ANKRD12: variants seen among roughly 807,000 people sequenced by gnomAD.
ANKRD12 encodes ankyrin repeat domain 12.
In ANKRD12, 85 loss-of-function variants were observed where a neutral mutation model predicts 183.4. The ratio of observed to expected loss-of-function variants is 0.46; its 90% CI spans 0.39 to 0.56. The LOEUF is 0.56. ANKRD12 is among the 20% of genes least tolerant of loss of function. The pLI, the probability that ANKRD12 is intolerant of heterozygous loss-of-function variation, is 0.00. For missense variants in ANKRD12, 2,405 were observed against 2,357.1 expected (o/e 1.02, Z -0.42); for synonymous variants, 914 against 800.2 (o/e 1.14, Z -2.40).
chr18:9,143,261 C>T (rs1389806136), intron 1 of ANKRD12, among the ~76,000 whole-genome samples: 1 of 152,140 alleles, frequency 6.6e-6, no homozygotes, highest in East Asian at 1.9e-4. Flanking sequence ...CTTTTTTACT[C>T]AAGAACTTAA....
At chr18:9,170,119 C>A (rs958764611) in intron 1 of ANKRD12, among the ~76,000 whole-genome samples, 4 of 152,182 alleles carry the variant, frequency 2.6e-5, no homozygotes, top group Non-Finnish European at 2.9e-5. Context: ...TGGGTAACCC[C>A]ACCTTTCTCT....
At chr18:9,246,119 C>G (rs369765827) in intron 8 of ANKRD12, among the ~76,000 whole-genome samples, 1 of 152,154 alleles carries the variant, frequency 6.6e-6, no homozygotes, top group Non-Finnish European at 1.5e-5. Flanking sequence ...TAACCTTTTA[C>G]TAATGCTTAT....
intron 1 of ANKRD12, among the ~76,000 whole-genome samples, chr18:9,161,674 CCT>C: frequency 6.6e-6 from 1 of 151,836 alleles, no homozygotes; most frequent in Non-Finnish European, 1.5e-5. Flanking sequence ...CTGCACCTGA[CCT>C]CTTTTTATTT....
Position 9,281,443 on chromosome 18 carries a change from A to G in ANKRD12, c.*317A>G, listed in dbSNP as rs2040102996. On this transcript the variant is annotated 3_prime_UTR_variant, in exon 13 of 13. Transcript: ENST00000262126. ...AGCGCTGGAAGTTGTTAGCGCTCTA[A>G]GTAATAAGATAACCACTAGTATTCA... 1 of 178,840 alleles carries G rather than the reference A, an allele frequency of 5.6e-6. No homozygotes were observed. Among genetic ancestry groups the G allele is most frequent in the Admixed American group, 6.2e-5 (1 of 16,008 alleles). The allele number at this position is 178,840 out of a possible 1,614,324, so 11.1% of individuals were successfully genotyped here.
chr18:9,228,131 T>G (rs1302717181), intron 8 of ANKRD12, among the ~76,000 whole-genome samples: 1 of 152,218 alleles, frequency 6.6e-6, no homozygotes, highest in African/African-American at 2.4e-5. Flanking sequence ...GCAAATGAAA[T>G]CCATGTTGCT....
At chr18:9,225,533 G>A (rs1262096850) in intron 8 of ANKRD12, among the ~76,000 whole-genome samples, 1 of 150,270 alleles carries the variant, frequency 6.7e-6, no homozygotes. Context: ...TATTAATGTA[G>A]AAATACTAAT....
At chr18:9,155,763 G>A (rs1439657332) in intron 1 of ANKRD12, among the ~76,000 whole-genome samples, 1 of 151,604 alleles carries the variant, frequency 6.6e-6, no homozygotes, top group Admixed American at 6.6e-5. Context: ...GATTTTTTTT[G>A]TAATTTTTCT....
rs1889821215 is a variant in ANKRD12, at chr18:9,258,698, C to T, written c.5431C>T (p.Gln1811Ter). ...ACTACAAGCAAAAGAGAAAACTCAG[C>T]AATCTCTGGCAGCCATTGTAGATTC... ...SLLQAKEKTQQSLAAIVDSLK... is the reference protein window; with the variant it reads ...SLLQAKEKTQ Residue 1811 changes from glutamine (Q) to a stop codon, truncating the protein, a stop_gained, in exon 9 of 13, where the codon CAA becomes TAA. Transcript: ENST00000262126. LOFTEE classifies it high-confidence loss of function. 1 of 1,613,746 alleles carries T rather than the reference C, an allele frequency of 6.2e-7. No individual in the cohort carries two copies. The highest frequency in any genetic ancestry group is 1.7e-5 in the Admixed American group (1 of 59,944).
Position 9,224,826 on chromosome 18 carries a change from T to C in ANKRD12, c.943+2827T>C, listed in dbSNP as rs78520831. ...AATAATTTTTAAAGTTTATGTATCT[T>C]GTGTAGCCATTGTGTTTGTACATTT... is the stretch of plus-strand genomic sequence containing the variant. On this transcript the variant is annotated intron_variant, in intron 8 of 12. Transcript: ENST00000262126. 2.1e-3 allele frequency among the ~76,000 whole-genome samples: 314 copies of C among 152,344 alleles called. 1 individual carries two copies. Among genetic ancestry groups the C allele is most frequent in the East Asian group, 4.2e-3 (22 of 5,188 alleles).
intron 9 of ANKRD12, chr18:9,260,378 A>G (rs1400797694): frequency 6.6e-6 from 1 of 152,178 alleles, no homozygotes; most frequent in Non-Finnish European, 1.5e-5. Context: ...TAAAAAATAA[A>G]TGTGGTAAAA....
intron 2 of ANKRD12, among the ~76,000 whole-genome samples, chr18:9,193,430 G>A (rs2034581899): frequency 6.6e-6 from 1 of 152,078 alleles, no homozygotes; most frequent in Non-Finnish European, 1.5e-5. Context: ...ACAGGCATGA[G>A]CCACCATGCC....
chr18:9,238,492 C>T (rs767947488), intron 8 of ANKRD12, among the ~76,000 whole-genome samples: 6 of 152,306 alleles, frequency 3.9e-5, no homozygotes, highest in Non-Finnish European at 8.8e-5. Context: ...TCTTCGTGTT[C>T]TATCTTAATT....
intron 4 of ANKRD12, among the ~76,000 whole-genome samples, chr18:9,207,986 C>G (rs921509888): frequency 6.6e-6 from 1 of 152,156 alleles, no homozygotes; most frequent in East Asian, 1.9e-4. Context: ...AATCTGAAAG[C>G]TAACTTGATG....
At chr18:9,198,739 G>A (rs531157947) in intron 3 of ANKRD12, among the ~76,000 whole-genome samples, 77 of 151,952 alleles carry the variant, frequency 5.1e-4, no homozygotes, top group Admixed American at 7.9e-4. Context: ...TAGTAGAGAC[G>A]GAGTTTCACC....
At chr18:9,213,356 A>C (rs1465894217) in intron 6 of ANKRD12, among the ~76,000 whole-genome samples, 1 of 151,900 alleles carries the variant, frequency 6.6e-6, no homozygotes, top group Non-Finnish European at 1.5e-5. Flanking sequence ...AAACCTAAAA[A>C]ATATTTCTTT....
intron 1 of ANKRD12, among the ~76,000 whole-genome samples, chr18:9,140,962 G>C (rs1220821958): frequency 6.6e-6 from 1 of 152,156 alleles, no homozygotes; most frequent in Non-Finnish European, 1.5e-5. Flanking sequence ...AGAGTTATGT[G>C]ATGGATAGAT....
At chr18:9,145,078 C>T (rs2078449030) in intron 1 of ANKRD12, among the ~76,000 whole-genome samples, 1 of 151,980 alleles carries the variant, frequency 6.6e-6, no homozygotes, top group African/African-American at 2.4e-5. Context: ...TCTGAATTTT[C>T]CAGTTTTACC....
intron 4 of ANKRD12, among the ~76,000 whole-genome samples, chr18:9,204,755 C>G (rs904453911): frequency 7.9e-5 from 12 of 152,180 alleles, no homozygotes; most frequent in African/African-American, 2.9e-4. Context: ...AACCTTGTAG[C>G]AGGACTGCCA....
intron 12 of ANKRD12, 80 bp from the exon 13 acceptor site, chr18:9,280,861 A>G (rs1013399076): frequency 4.4e-6 from 6 of 1,373,020 alleles, no homozygotes; most frequent in Non-Finnish European, 5.1e-6. Context: ...TTTAGTTCCT[A>G]AAGAAACTGG....
Sources: gnomAD v4.1 joint callset for allele counts (sites outside exome capture counted in the v4.1 genomes callset) on GRCh38, gnomAD v4.1.1 for gene constraint, MANE v1.5 for transcripts, NCBI Gene and HGNC (gene_info 2026-07-23, HGNC 2026-07-21) for gene names.